Variants in PCDHA3 observed in about 807,000 individuals in gnomAD.
PCDHA3 encodes the protein protocadherin alpha-3.
A neutral mutation model predicts 62.2 loss-of-function variants in PCDHA3; 41 were observed. That is an observed-to-expected ratio of 0.66 (90% CI 0.51 to 0.86). The LOEUF (loss-of-function observed/expected upper bound fraction) is 0.86. PCDHA3 is among the 40% of genes least tolerant of loss of function. The probability of loss-of-function intolerance (pLI) is 0.00; values close to 1 mark genes in which losing one functional copy is unlikely to be tolerated. For missense variants in PCDHA3, 1,304 were observed against 1,241.2 expected (o/e 1.05, Z -0.76); for synonymous variants, 640 against 555.4 (o/e 1.15, Z -2.14).
rs781837708 is a variant in PCDHA3, at chr5:140,875,917, GAC to G, written c.2394+72327_2394+72328del. On this transcript the variant is annotated intron_variant, in intron 1 of 3. Coordinates refer to ENST00000522353, the MANE Select transcript of PCDHA3 (RefSeq NM_018906.3). Reference sequence around the variant, plus strand: ...ACCTGTTTCTGAATCTGCGCCTCTGGACTCTCATTTTCCTCTAGAGGGCGCTT... The same window carrying G: ...ACCTGTTTCTGAATCTGCGCCTCTGGTCTCATTTTCCTCTAGAGGGCGCTT... 20 of 1,614,146 alleles carry G rather than the reference GAC, an allele frequency of 1.2e-5. 1 individual carries two copies. In the South Asian group the frequency reaches 2.1e-4, roughly 17 times the overall value.
At chr5:140,925,349 A>G (rs4912732) in intron 1 of PCDHA3, among the ~76,000 whole-genome samples, 5,885 of 152,152 alleles carry the variant, frequency 0.039, 171 homozygotes, top group Non-Finnish European at 0.058. Flanking sequence ...TTGAGTGAGG[A>G]ATTTAGTGCT....
At chr5:141,003,668 A>G (rs1353003376) in intron 3 of PCDHA3, among the ~76,000 whole-genome samples, 1 of 152,196 alleles carries the variant, frequency 6.6e-6, no homozygotes, top group Non-Finnish European at 1.5e-5. Context: ...ATTAAAATAT[A>G]TGTTGTTCTG....
At chr5:140,969,170 G>A in intron 1 of PCDHA3, 1 of 1,614,114 alleles carries the variant, frequency 6.2e-7, no homozygotes. Flanking sequence ...AGCAGGCTCA[G>A]GGAGTGACAC....
intron 1 of PCDHA3, chr5:140,829,967 C>G: frequency 6.2e-7 from 1 of 1,613,994 alleles, no homozygotes; most frequent in Non-Finnish European, 8.5e-7. Flanking sequence ...TCGCGTGGGG[C>G]TGTACACGGG....
intron 1 of PCDHA3, among the ~76,000 whole-genome samples, chr5:140,945,249 T>C (rs1181677082): frequency 6.6e-6 from 1 of 152,050 alleles, no homozygotes; most frequent in African/African-American, 2.4e-5. Flanking sequence ...ACCAAGAGGA[T>C]GAAAGACCTG....
intron 1 of PCDHA3, chr5:140,808,541 G>A (rs782256529): frequency 1.2e-6 from 2 of 1,614,166 alleles, no homozygotes; most frequent in Non-Finnish European, 1.7e-6. Flanking sequence ...GAACGACAAC[G>A]CTCCGGCGTT....
chr5:140,984,056 G>T (rs569184437), intron 3 of PCDHA3, among the ~76,000 whole-genome samples: 1 of 152,200 alleles, frequency 6.6e-6, no homozygotes, highest in Non-Finnish European at 1.5e-5. Context: ...TGACAAATCT[G>T]TACCCTCAGT....
chr5:140,863,047 C>G (rs1554157583), intron 1 of PCDHA3: 1 of 560,866 alleles, frequency 1.8e-6, no homozygotes. Flanking sequence ...TGTCAGCTGG[C>G]AGCACCCGTT....
At chr5:140,987,668 G>C (rs1262402590) in intron 3 of PCDHA3, among the ~76,000 whole-genome samples, 1 of 152,082 alleles carries the variant, frequency 6.6e-6, no homozygotes, top group Non-Finnish European at 1.5e-5. Context: ...GAACAATCAG[G>C]GTTTAGTAAA....
chr5:140,927,637 G>A lies in PCDHA3; in HGVS notation c.2395-51312G>A, dbSNP rs1554204838. Reference sequence around the variant, plus strand: ...CAAGGTTCCAGAGACTGCACCCAATGGGACTGTGTTATTCCGAGTTCAAGC... The same window carrying A: ...CAAGGTTCCAGAGACTGCACCCAATAGGACTGTGTTATTCCGAGTTCAAGC... On this transcript the variant is annotated intron_variant, in intron 1 of 3. Coordinates refer to ENST00000522353, the MANE Select transcript of PCDHA3 (RefSeq NM_018906.3). 3.7e-6 allele frequency: 6 copies of A among 1,614,176 alleles called. 1 individual carries two copies. In the Middle Eastern group the frequency reaches 9.9e-4, roughly 266 times the overall value.
intron 1 of PCDHA3, among the ~76,000 whole-genome samples, chr5:140,916,262 G>C (rs1379588605): frequency 6.6e-6 from 1 of 152,202 alleles, no homozygotes; most frequent in Non-Finnish European, 1.5e-5. Flanking sequence ...GACCCCAAGA[G>C]CATGCTTGTT....
intron 3 of PCDHA3, among the ~76,000 whole-genome samples, chr5:141,005,799 T>A (rs1207641244): frequency 7.5e-6 from 1 of 133,220 alleles, no homozygotes; most frequent in African/African-American, 2.8e-5. Context: ...CAAAAACAAC[T>A]CCAAGGAGCC....
intron 1 of PCDHA3, chr5:140,828,757 C>A: frequency 6.2e-7 from 1 of 1,614,234 alleles, no homozygotes; most frequent in Non-Finnish European, 8.5e-7. Flanking sequence ...AACCTGAGCT[C>A]ACAGGCACTG....
intron 1 of PCDHA3, among the ~76,000 whole-genome samples, chr5:140,888,521 C>A (rs191011552): frequency 1.3e-5 from 2 of 152,142 alleles, no homozygotes; most frequent in African/African-American, 2.4e-5. Context: ...TTAGTTCTGA[C>A]GTGAAGTTAA....
At position 140,802,163 on chromosome 5, in the gene PCDHA3, C is replaced by T; in HGVS notation, c.966C>T (p.Ala322=). ...AGTCATATGAAATCCAGGTAGAAGC[C>T]ACGGATAAAGGAAATCCCCCAATGT... The part of the protein sequence containing the change: ...ESKSYEIQVE[A]TDKGNPPMSD... Residue 322 remains alanine, a synonymous_variant, in exon 1 of 4, where the codon GCC becomes GCT. Transcript: ENST00000522353. 1 of 1,614,140 alleles carries T rather than the reference C, an allele frequency of 6.2e-7. No homozygotes were observed. The highest frequency in any genetic ancestry group is 8.5e-7 in the Non-Finnish European group (1 of 1,180,020).
At chr5:140,870,070 G>A in intron 1 of PCDHA3, 2 of 1,613,880 alleles carry the variant, frequency 1.2e-6, no homozygotes, top group Non-Finnish European at 1.7e-6. Context: ...ACAGGCTACA[G>A]ATAAGGGGAC....
intron 1 of PCDHA3, chr5:140,876,094 C>A (rs782479233): frequency 3.1e-6 from 5 of 1,613,926 alleles, no homozygotes; most frequent in Non-Finnish European, 4.2e-6. Flanking sequence ...AACGCCAAAA[C>A]TCAATTTATT....
intron 1 of PCDHA3, among the ~76,000 whole-genome samples, chr5:140,921,890 G>A (rs1167996919): frequency 1.3e-5 from 2 of 151,710 alleles, no homozygotes; most frequent in African/African-American, 2.4e-5. Flanking sequence ...ATTTTAGAAA[G>A]GAGGATAAAT....
chr5:140,852,043 A>G, intron 1 of PCDHA3: 1 of 921,642 alleles, frequency 1.1e-6, no homozygotes, highest in Non-Finnish European at 1.3e-6. Flanking sequence ...AGTTTTTGTT[A>G]TGTGGTTTAT....
Sources: gnomAD v4.1 joint callset for allele counts (sites outside exome capture counted in the v4.1 genomes callset) on GRCh38, gnomAD v4.1.1 for gene constraint, MANE v1.5 for transcripts, NCBI Gene and HGNC (gene_info 2026-07-23, HGNC 2026-07-21) for gene names.